CDH3: variants seen among roughly 807,000 people sequenced by gnomAD.
CDH3 encodes cadherin-3.
In CDH3, 54 loss-of-function variants were observed where a neutral mutation model predicts 82.0. That is an observed-to-expected ratio of 0.66 (90% CI 0.53 to 0.83). The LOEUF is 0.83. Among genes scored for constraint, CDH3 ranks in the 40% least tolerant of loss-of-function variants. CDH3 has a pLI of 0.00. For missense variants in CDH3, 1,054 were observed against 1,084.6 expected (o/e 0.97, Z 0.40); for synonymous variants, 446 against 437.9 (o/e 1.02, Z -0.23).
At chr16:68,718,957 G>A (rs559522748) in intron 1 of CDH3, among the ~76,000 whole-genome samples, 1 of 152,202 alleles carries the variant, frequency 6.6e-6, no homozygotes, top group Non-Finnish European at 1.5e-5. Flanking sequence ...AAAAAAACGG[G>A]GCCGGGCGCG....
At chr16:68,657,112 C>T (rs554269802) in intron 2 of CDH3, among the ~76,000 whole-genome samples, 4 of 152,328 alleles carry the variant, frequency 2.6e-5, no homozygotes, top group Admixed American at 6.5e-5. Context: ...GCAAATTCCT[C>T]CAGCTGACAG....
downstream of CDH3, among the ~76,000 whole-genome samples, chr16:68,732,307 T>G (rs1325877205): frequency 1.3e-5 from 2 of 152,144 alleles, no homozygotes; most frequent in African/African-American, 4.8e-5. Flanking sequence ...TGGACTCTTC[T>G]CAGCAGAGGT....
chr16:68,675,563 G>A (rs923244863), intron 2 of CDH3, among the ~76,000 whole-genome samples: 1 of 152,180 alleles, frequency 6.6e-6, no homozygotes, highest in East Asian at 1.9e-4. Flanking sequence ...TTGGGAGACC[G>A]AGGCGGGTGG....
At position 68,685,204 on chromosome 16, in the gene CDH3, G is replaced by T. The variant is rs757246377; in HGVS notation, c.1425-1G>T. 5 of 1,613,878 alleles carry T rather than the reference G, an allele frequency of 3.1e-6. No individual in the cohort carries two copies. The South Asian group carries it at 5.5e-5, about 18-fold the overall frequency. On this transcript the variant is annotated splice_acceptor_variant, in intron 10 of 15. Transcript: ENST00000264012. LOFTEE classifies it high-confidence loss of function. Reference sequence around the variant, plus strand: ...TACTCGTCTCAACTTTTCCTCTCCAGCTACCGCATCCTGAGAGACCCAGCA... The same window carrying T: ...TACTCGTCTCAACTTTTCCTCTCCATCTACCGCATCCTGAGAGACCCAGCA...
At chr16:68,671,579 T>C (rs1020697226) in intron 2 of CDH3, among the ~76,000 whole-genome samples, 9 of 136,992 alleles carry the variant, frequency 6.6e-5, no homozygotes, top group Admixed American at 3.4e-4. Flanking sequence ...TGGAGTGAGG[T>C]GGTGCGATCT....
intron 1 of CDH3, 46 bp downstream of exon 1, chr16:68,645,470 G>C: frequency 6.2e-7 from 1 of 1,600,126 alleles, no homozygotes; most frequent in Non-Finnish European, 8.5e-7. Flanking sequence ...CGCTCCCTGG[G>C]GGGCGGGCGG....
chr16:68,733,173 G>C, the CDH3 span, among the ~76,000 whole-genome samples: 1 of 152,216 alleles, frequency 6.6e-6, no homozygotes, highest in Non-Finnish European at 1.5e-5. Context: ...ACTAATGGCA[G>C]AGCCAGAAGT....
chr16:68,649,129 G>A (rs1190225663), intron 2 of CDH3, among the ~76,000 whole-genome samples: 1 of 152,148 alleles, frequency 6.6e-6, no homozygotes, highest in African/African-American at 2.4e-5. Flanking sequence ...GATTAAGTGA[G>A]TGACCTACAG....
At chr16:68,667,762 A>G (rs1346551687) in intron 2 of CDH3, among the ~76,000 whole-genome samples, 1 of 152,220 alleles carries the variant, frequency 6.6e-6, no homozygotes, top group African/African-American at 2.4e-5. Context: ...GCGCCAGTTC[A>G]GGACCCGAGG....
intron 1 of CDH3, among the ~76,000 whole-genome samples, chr16:68,713,964 C>T (rs1384419052): frequency 1.3e-5 from 2 of 151,010 alleles, no homozygotes; most frequent in East Asian, 1.9e-4. Context: ...GACAGAGTTT[C>T]GCTCTGTCAC....
chr16:68,717,962 T>G (rs918074396), intron 1 of CDH3, among the ~76,000 whole-genome samples: 5 of 151,962 alleles, frequency 3.3e-5, no homozygotes, highest in African/African-American at 9.7e-5. Flanking sequence ...CTAAATAAAC[T>G]TTTTCTTTTT....
intron 14 of CDH3, 70 bp downstream of exon 14, chr16:68,695,455 A>G (rs1193221111): frequency 6.8e-7 from 1 of 1,477,222 alleles, no homozygotes; most frequent in Admixed American, 2.0e-5. Flanking sequence ...TGTTGGGTCA[A>G]CCAACTGACC....
At chr16:68,645,570 GT>G in intron 1 of CDH3, 65 bp from the exon 2 acceptor site, 1 of 1,454,414 alleles carries the variant, frequency 6.9e-7, no homozygotes, top group Non-Finnish European at 9.4e-7. Flanking sequence ...GGACCCTGCG[GT>G]GTGGGGAGTG....
At chr16:68,702,768 G>A (rs1471203866), downstream of CDH3, among the ~76,000 whole-genome samples, 1 of 152,122 alleles carries the variant, frequency 6.6e-6, no homozygotes, top group African/African-American at 2.4e-5. Context: ...GGGAGGCTGA[G>A]GGAGGAGAAT....
At chr16:68,679,694 CAAAAAAAAAAA>C (rs66540234) in intron 6 of CDH3, 94 bp from the exon 7 acceptor site, 24 of 361,930 alleles carry the variant, frequency 6.6e-5, no homozygotes, top group Middle Eastern at 1.6e-3. Context: ...GACTTCATCT[CAAAAAAAAAAA>C]AAAAAAAAAA....
At chr16:68,686,272 T>C (rs1226390174) in intron 11 of CDH3, 10 of 652,452 alleles carry the variant, frequency 1.5e-5, no homozygotes, top group Non-Finnish European at 2.8e-5. Context: ...CTGGGGTGAG[T>C]GCACCTGCAC....
rs1290159480 is a variant in CDH3, at chr16:68,700,152, A to G, written c.*1752A>G. On this transcript the variant is annotated 3_prime_UTR_variant, in exon 16 of 16. Coordinates refer to ENST00000264012, the MANE Select transcript of CDH3 (RefSeq NM_001793.6). ...ATACCAGGGCATAAATGCAGGAATC[A>G]GGAATAGGCAGCAGTGATAGAACAA... 1.3e-5 allele frequency: 2 copies of G among 152,254 alleles called. No individual in the cohort carries two copies. The highest frequency in any genetic ancestry group is 2.9e-5 in the Non-Finnish European group (2 of 68,044). 9.4% of individuals were successfully genotyped at this position (152,254 alleles called of 1,614,324 possible).
At chr16:68,674,554 G>A (rs1465021602) in intron 2 of CDH3, among the ~76,000 whole-genome samples, 1 of 152,038 alleles carries the variant, frequency 6.6e-6, no homozygotes, top group African/African-American at 2.4e-5. Context: ...GCAACAAAGT[G>A]AGGCCCCATC....
At chr16:68,646,133 G>A in intron 2 of CDH3, 1 of 260,782 alleles carries the variant, frequency 3.8e-6, no homozygotes, top group Non-Finnish European at 7.4e-6. Flanking sequence ...GCCCCGGGCA[G>A]CCCCCTTCGC....
Sources: allele counts gnomAD v4.1 joint callset (sites outside exome capture counted in the v4.1 genomes callset), GRCh38; gene constraint gnomAD v4.1.1; transcripts MANE v1.5; gene names NCBI Gene and HGNC (gene_info 2026-07-23, HGNC 2026-07-21).